MAGI1: variants seen among roughly 807,000 people sequenced by gnomAD.
The protein encoded by MAGI1 is membrane-associated guanylate kinase, WW and PDZ domain-containing protein 1.
Under a neutral mutation model 139.9 loss-of-function variants are expected in MAGI1, and 58 were observed. The observed-to-expected ratio is 0.41, with a 90% CI of 0.34 to 0.52. The LOEUF is 0.52. Ranked by LOEUF, MAGI1 falls within the 20% of genes least tolerant of loss-of-function variation. MAGI1 has a pLI of 0.12. For synonymous variants in MAGI1, 812 were observed against 737.9 expected, an observed-to-expected ratio of 1.10 and a Z score of -1.63; for missense variants, 1,874 against 1,901.6, an observed-to-expected ratio of 0.99 and a Z score of 0.27.
At chr3:65,580,384 T>C (rs2081362973) in intron 2 of MAGI1, among the ~76,000 whole-genome samples, 1 of 152,046 alleles carries the variant, frequency 6.6e-6, no homozygotes, top group South Asian at 2.1e-4. Flanking sequence ...TTCAGTTCTC[T>C]CTTCTTCAAT....
At chr3:66,018,214 C>G (rs1281989000) in intron 1 of MAGI1, among the ~76,000 whole-genome samples, 2 of 151,942 alleles carry the variant, frequency 1.3e-5, no homozygotes, top group Admixed American at 6.6e-5. Flanking sequence ...CTCACCCCAA[C>G]ACACACAGGA....
intron 1 of MAGI1, among the ~76,000 whole-genome samples, chr3:65,698,997 C>G (rs9754793): frequency 0.25 from 30,831 of 123,340 alleles, 2,740 homozygotes; most frequent in East Asian, 0.37. Flanking sequence ...GGCTAATATC[C>G]AGAATCTACA....
intron 2 of MAGI1, among the ~76,000 whole-genome samples, chr3:65,614,553 C>T (rs2083276423): frequency 6.6e-6 from 1 of 152,018 alleles, no homozygotes; most frequent in Non-Finnish European, 1.5e-5. Flanking sequence ...ATAAACACAA[C>T]TTGGTTTTTT....
At chr3:65,641,793 T>C (rs1045954233) in intron 1 of MAGI1, among the ~76,000 whole-genome samples, 4 of 152,196 alleles carry the variant, frequency 2.6e-5, no homozygotes, top group African/African-American at 9.6e-5. Context: ...TCTAAAAGAA[T>C]CAGGAGACTC....
At chr3:65,415,730 G>C (rs889553543) in intron 12 of MAGI1, among the ~76,000 whole-genome samples, 4 of 152,208 alleles carry the variant, frequency 2.6e-5, no homozygotes, top group African/African-American at 9.6e-5. Flanking sequence ...GGGTGTTGAA[G>C]GGGTTAAAGC....
At chr3:65,818,259 C>A (rs2041734348) in intron 1 of MAGI1, among the ~76,000 whole-genome samples, 1 of 152,154 alleles carries the variant, frequency 6.6e-6, no homozygotes, top group African/African-American at 2.4e-5. Flanking sequence ...TGGTTAGTTT[C>A]TATGTCTGTC....
intron 2 of MAGI1, among the ~76,000 whole-genome samples, chr3:65,581,665 A>C (rs1015561253): frequency 1.3e-5 from 2 of 152,108 alleles, no homozygotes; most frequent in African/African-American, 4.8e-5. Flanking sequence ...CTCTTGCACA[A>C]ACATCACATT....
intron 1 of MAGI1, among the ~76,000 whole-genome samples, chr3:65,923,226 CTTTTTTT>C (rs72035925): frequency 7.1e-6 from 1 of 139,962 alleles, no homozygotes; most frequent in African/African-American, 2.7e-5. Flanking sequence ...CAACAGACAT[CTTTTTTT>C]TTTTTTTTTT....
At chr3:65,479,972 CCAGGAAGA>C (rs2107618767) in intron 3 of MAGI1, among the ~76,000 whole-genome samples, 1 of 152,034 alleles carries the variant, frequency 6.6e-6, no homozygotes, top group East Asian at 1.9e-4. Flanking sequence ...TAGAGTAAGG[CCAGGAAGA>C]CAGGAAATGA....
chr3:65,470,104 T>C, intron 5 of MAGI1, 179 bp downstream of exon 5: 1 of 533,066 alleles, frequency 1.9e-6, no homozygotes, highest in Admixed American at 3.5e-5. Context: ...CTGTTGAGAA[T>C]CGATAAGTTG....
At chr3:65,529,132 A>T (rs75083081) in intron 2 of MAGI1, among the ~76,000 whole-genome samples, 68 of 105,918 alleles carry the variant, frequency 6.4e-4, no homozygotes, top group Non-Finnish European at 9.4e-4. Context: ...TTTTTAAAAT[A>T]AAAAAAAAAA....
At chr3:65,591,287 C>A (rs556292649) in intron 2 of MAGI1, among the ~76,000 whole-genome samples, 1 of 152,106 alleles carries the variant, frequency 6.6e-6, no homozygotes, top group East Asian at 1.9e-4. Context: ...TTCTGTCCTT[C>A]CAGTTGTTCA....
At chr3:65,604,525 C>T (rs1029264021) in intron 2 of MAGI1, among the ~76,000 whole-genome samples, 14 of 152,012 alleles carry the variant, frequency 9.2e-5, no homozygotes, top group African/African-American at 3.1e-4. Flanking sequence ...TTGTGGAATA[C>T]GATGACTTTC....
intron 1 of MAGI1, among the ~76,000 whole-genome samples, chr3:65,846,362 G>A (rs901940398): frequency 6.6e-6 from 1 of 152,214 alleles, no homozygotes; most frequent in Non-Finnish European, 1.5e-5. Flanking sequence ...CCCAAACTCT[G>A]CAAAATTGCA....
intron 2 of MAGI1, among the ~76,000 whole-genome samples, chr3:65,577,596 T>C (rs956341171): frequency 1.3e-5 from 2 of 152,194 alleles, no homozygotes; most frequent in Non-Finnish European, 2.9e-5. Context: ...AAGAATCCCT[T>C]AAACTATCCA....
intron 12 of MAGI1, among the ~76,000 whole-genome samples, chr3:65,416,075 C>A (rs1946194242): frequency 6.6e-6 from 1 of 152,154 alleles, no homozygotes; most frequent in African/African-American, 2.4e-5. Context: ...ACAAAAATAC[C>A]TAAGAGCGTG....
chr3:65,480,546 A>T (rs1951211538), intron 3 of MAGI1, among the ~76,000 whole-genome samples: 1 of 151,374 alleles, frequency 6.6e-6, no homozygotes, highest in African/African-American at 2.4e-5. Context: ...AAAAAAAAAA[A>T]ATTGCTTCTA....
chr3:65,386,863 G>C (rs922183263), intron 14 of MAGI1, among the ~76,000 whole-genome samples: 3 of 152,196 alleles, frequency 2.0e-5, no homozygotes, highest in Non-Finnish European at 4.4e-5. Context: ...TTGATAATTA[G>C]AAAGAATGGA....
intron 2 of MAGI1, among the ~76,000 whole-genome samples, chr3:65,592,808 C>A (rs890917230): frequency 6.6e-6 from 1 of 152,126 alleles, no homozygotes; most frequent in East Asian, 1.9e-4. Context: ...GTTTTGCCAA[C>A]CACAGTAACT....
Sources: allele counts gnomAD v4.1 joint callset (sites outside exome capture counted in the v4.1 genomes callset), GRCh38; gene constraint gnomAD v4.1.1; transcripts MANE v1.5; gene names NCBI Gene and HGNC (gene_info 2026-07-23, HGNC 2026-07-21).